Variants in TFEB observed in about 807,000 individuals in gnomAD.
The protein encoded by TFEB is transcription factor EB.
In TFEB, 12 loss-of-function variants were observed where a neutral mutation model predicts 48.0. The observed-to-expected ratio is 0.25, with a 90% CI of 0.16 to 0.40. The LOEUF is 0.40. TFEB is among the 10% of genes least tolerant of loss of function. The probability of loss-of-function intolerance (pLI) is 1.00; values close to 1 mark genes in which losing one functional copy is unlikely to be tolerated. For missense variants in TFEB, 509 were observed against 640.3 expected, an observed-to-expected ratio of 0.79 and a Z score of 2.21; for synonymous variants, 244 against 261.4, an observed-to-expected ratio of 0.93 and a Z score of 0.64.
At chr6:41,717,784 C>CAG in intron 1 of TFEB, among the ~76,000 whole-genome samples, 1 of 152,320 alleles carries the variant, frequency 6.6e-6, no homozygotes, top group Admixed American at 6.5e-5. Flanking sequence ...GTATCCTGGG[C>CAG]AGAGCACTGG....
intron 1 of TFEB, among the ~76,000 whole-genome samples, chr6:41,703,851 C>T (rs1770063880): frequency 6.6e-6 from 1 of 152,182 alleles, no homozygotes; most frequent in Non-Finnish European, 1.5e-5. Flanking sequence ...GTTCACATAT[C>T]CCCTGTTTTA....
At chr6:41,721,374 C>T (rs1224802767) in intron 1 of TFEB, among the ~76,000 whole-genome samples, 1 of 104,524 alleles carries the variant, frequency 9.6e-6, no homozygotes, top group East Asian at 2.9e-4. Context: ...GGCACACATA[C>T]ACACACACAC....
At position 41,722,231 on chromosome 6, in the gene TFEB, C is replaced by G. The variant is rs187673038; in HGVS notation, c.-23+13119G>C. 5.6e-3 allele frequency among the ~76,000 whole-genome samples: 854 copies of G among 152,324 alleles called. 13 individuals carry two copies. Among genetic ancestry groups the G allele is most frequent in the African/African-American group, 0.019 (809 of 41,558 alleles). ...CTGACCTCAGGGGACCCGCCCACCT[C>G]GGCCTCCCAAAGTGCTGGGATTACA... is the stretch of plus-strand genomic sequence containing the variant. On this transcript the variant is annotated intron_variant, in intron 1 of 8. Transcript: ENST00000373033.
intron 1 of TFEB, among the ~76,000 whole-genome samples, chr6:41,706,446 C>A (rs1395338423): frequency 6.6e-6 from 1 of 152,162 alleles, no homozygotes; most frequent in East Asian, 1.9e-4. Flanking sequence ...GGCCCAGGAA[C>A]TCAGCGGGGG....
Position 41,684,805 on chromosome 6 carries a change from C to T in TFEB, c.1225G>A (p.Gly409Ser). The T allele has an allele frequency of 6.2e-7, 1 of 1,600,312 alleles. No homozygotes were observed. The highest frequency in any genetic ancestry group is 8.5e-7 in the Non-Finnish European group (1 of 1,172,692). Residue 409 changes from glycine (G) to serine (S), a missense_variant, in exon 9 of 9, where the codon GGT becomes AGT. This residue lies in a region of TFEB where 168 missense variants were observed against 161.0 expected (regional missense o/e 1.04). Transcript: ENST00000373033. ...SLSFGGREDE[G>S]PPGYPEPLAP... is the part of the protein sequence containing the mutation. ...AGGGGTTCGGGGTAGCCCGGGGGAC[C>T]CTCGTCCTCCCTGCCCCCAAAGCTC...
intron 1 of TFEB, among the ~76,000 whole-genome samples, chr6:41,706,673 G>A (rs979442691): frequency 2.0e-5 from 3 of 151,996 alleles, no homozygotes; most frequent in Non-Finnish European, 4.4e-5. Flanking sequence ...TCTCTGTCAG[G>A]GAGCCAGAGG....
chr6:41,735,686 A>C, upstream of TFEB: 1 of 509,710 alleles, frequency 2.0e-6, no homozygotes, highest in Non-Finnish European at 2.5e-6. Context: ...CCCACTGGGA[A>C]GCGTAGTTCT....
chr6:41,721,040 G>T (rs964075341), intron 1 of TFEB, among the ~76,000 whole-genome samples: 2 of 151,712 alleles, frequency 1.3e-5, no homozygotes, highest in Non-Finnish European at 2.9e-5. Flanking sequence ...CAGGACCCAG[G>T]CCAACCATTC....
intron 4 of TFEB, among the ~76,000 whole-genome samples, chr6:41,689,220 G>A (rs897878009): frequency 2.0e-5 from 3 of 152,112 alleles, no homozygotes; most frequent in African/African-American, 4.8e-5. Flanking sequence ...GCCAGGAGAC[G>A]CAGGAAGCTG....
chr6:41,701,143 G>A (rs1434659631), intron 1 of TFEB, among the ~76,000 whole-genome samples: 2 of 152,128 alleles, frequency 1.3e-5, no homozygotes, highest in African/African-American at 4.8e-5. Context: ...ACACATGCAC[G>A]CACACATGCA....
chr6:41,723,528 G>C lies in TFEB; in HGVS notation c.-23+11822C>G. On this transcript the variant is annotated intron_variant, in intron 1 of 8. Coordinates refer to ENST00000373033, the MANE Select transcript of TFEB (RefSeq NM_001271944.2). The surrounding 1 kb of genome is among the most constrained non-coding windows in gnomAD (Gnocchi z 6.0). ...CAGCTCCTCCAGGGGCCGGAGCCCA[G>C]GGCCGCACCCCAGCCCCAGGGCCGG... 4 of 1,285,434 alleles carry C rather than the reference G, an allele frequency of 3.1e-6. No individual in the cohort carries two copies. The South Asian group carries it at 5.0e-5, about 16-fold the overall frequency. The allele number at this position is 1,285,434 out of a possible 1,614,324, so 79.6% of individuals were successfully genotyped here.
chr6:41,699,447 C>T (rs1769778435), intron 1 of TFEB, among the ~76,000 whole-genome samples: 1 of 152,232 alleles, frequency 6.6e-6, no homozygotes, highest in African/African-American at 2.4e-5. Context: ...TCTCTCCTTA[C>T]TAGATAGGGG....
intron 1 of TFEB, among the ~76,000 whole-genome samples, chr6:41,710,984 T>C (rs987122318): frequency 6.6e-6 from 1 of 152,236 alleles, no homozygotes; most frequent in Non-Finnish European, 1.5e-5. Flanking sequence ...CCTTGCCCTA[T>C]GGTTTTTACA....
rs758286566 is a variant in TFEB at position 41,721,886 on chromosome 6, C to T, written c.-23+13464G>A. On this transcript the variant is annotated intron_variant, in intron 1 of 8. Transcript: ENST00000373033. Reference sequence around the variant, plus strand: ...ACCCTCATGCCCACAGATGAGTGGCCTTCAACTGCTCTCTCAAGACTACAC... The same window carrying T: ...ACCCTCATGCCCACAGATGAGTGGCTTTCAACTGCTCTCTCAAGACTACAC... Among the ~76,000 whole-genome samples the T allele has an allele frequency of 1.0e-3, 156 of 152,246 alleles. 3 individuals carry two copies. Among genetic ancestry groups the T allele is most frequent in the Non-Finnish European group, 3.5e-4 (24 of 68,014 alleles).
intron 7 of TFEB, chr6:41,686,783 T>A: frequency 2.4e-6 from 1 of 416,790 alleles, no homozygotes; most frequent in South Asian, 2.6e-5. Context: ...CCCACAGTGC[T>A]GGGATTATAG....
In TFEB at chr6:41,691,064, G is replaced by A; in HGVS notation, c.150C>T (p.Thr50=). 1 of 1,572,078 alleles carries A rather than the reference G, an allele frequency of 6.4e-7. No individual in the cohort carries two copies. Among genetic ancestry groups the A allele is most frequent in the African/African-American group, 1.3e-5 (1 of 74,078 alleles). Residue 50 remains threonine (T), a synonymous_variant, in exon 2 of 9, where the codon ACC becomes ACT. Transcript: ENST00000373033. The surrounding 1 kb of genome is among the most constrained non-coding windows in gnomAD (Gnocchi z 5.2). ...QQQQQLGGPP[T]PAINTPVHFQ... Reference sequence around the variant, plus strand: ...AGTGGACGGGGGTATTGATGGCCGGGGTGGGCGGCCCTCCGAGCTGCTGCT... The same window carrying A: ...AGTGGACGGGGGTATTGATGGCCGGAGTGGGCGGCCCTCCGAGCTGCTGCT...
At chr6:41,686,285 G>A in intron 7 of TFEB, 48 bp from the exon 8 acceptor site, 1 of 1,605,160 alleles carries the variant, frequency 6.2e-7, no homozygotes, top group East Asian at 2.2e-5. Flanking sequence ...CAGAAGAGTG[G>A]CCAAATCCTT....
intron 1 of TFEB, among the ~76,000 whole-genome samples, chr6:41,713,237 G>A (rs1270078103): frequency 6.6e-6 from 1 of 152,150 alleles, no homozygotes; most frequent in East Asian, 1.9e-4. Context: ...CCCCAGGAGA[G>A]GAGCTGGCTC....
chr6:41,706,050 T>G (rs991826349), intron 1 of TFEB: 2 of 151,316 alleles, frequency 1.3e-5, no homozygotes, highest in Non-Finnish European at 2.9e-5. Flanking sequence ...TGCCCACGAG[T>G]TCCCACCAGG....
Sources: gnomAD v4.1 joint callset for allele counts (sites outside exome capture counted in the v4.1 genomes callset) on GRCh38, gnomAD v4.1.1 for gene constraint, gnomAD v4.1.1 regional missense constraint, Gnocchi (gnomAD v3.1) non-coding constraint, MANE v1.5 for transcripts, NCBI Gene and HGNC (gene_info 2026-07-23, HGNC 2026-07-21) for gene names.